Variants in BTAF1 observed in about 807,000 individuals in gnomAD.
BTAF1 encodes the protein B-TFIID TATA-box binding protein associated factor 1, also known as TATA-binding protein-associated factor 172.
In BTAF1, 38 loss-of-function variants were observed where a neutral mutation model predicts 227.1. The ratio of observed to expected loss-of-function variants is 0.17; its 90% confidence interval spans 0.13 to 0.22. The LOEUF (loss-of-function observed/expected upper bound fraction) is 0.22. BTAF1 is among the 10% of genes least tolerant of loss of function. BTAF1 has a pLI of 1.00. For missense variants in BTAF1, 1,598 were observed against 2,204.0 expected, an observed-to-expected ratio of 0.73 and a Z score of 5.51; for synonymous variants, 742 against 751.9, an observed-to-expected ratio of 0.99 and a Z score of 0.21.
chr10:92,017,962 C>G (rs1850856639), intron 33 of BTAF1, among the ~76,000 whole-genome samples: 1 of 152,156 alleles, frequency 6.6e-6, no homozygotes, highest in South Asian at 2.1e-4. Flanking sequence ...GAGAAGAGAC[C>G]ATATAAGGTT....
intron 25 of BTAF1, among the ~76,000 whole-genome samples, chr10:91,998,787 A>T (rs951265059): frequency 2.6e-5 from 4 of 152,194 alleles, no homozygotes; most frequent in African/African-American, 9.6e-5. Flanking sequence ...GAGGTGGCTC[A>T]TGCCTGTAAT....
intron 1 of BTAF1, among the ~76,000 whole-genome samples, chr10:91,933,386 A>G (rs373602225): frequency 6.6e-6 from 1 of 152,188 alleles, no homozygotes; most frequent in South Asian, 2.1e-4. Context: ...TTTGTTCTGG[A>G]TATAATTTAA....
intron 5 of BTAF1, among the ~76,000 whole-genome samples, chr10:91,953,514 A>C (rs189984093): frequency 6.6e-6 from 1 of 152,304 alleles, no homozygotes; most frequent in Non-Finnish European, 1.5e-5. Flanking sequence ...AAAAGTTAAG[A>C]AGCATATGTG....
intron 33 of BTAF1, among the ~76,000 whole-genome samples, chr10:92,016,810 A>G (rs1326380866): frequency 6.6e-6 from 1 of 152,182 alleles, no homozygotes; most frequent in Non-Finnish European, 1.5e-5. Flanking sequence ...ATGATTTTTA[A>G]TGAGGCACTT....
chr10:92,002,874 A>T (rs1202813158), intron 25 of BTAF1, among the ~76,000 whole-genome samples: 3 of 152,160 alleles, frequency 2.0e-5, no homozygotes, highest in East Asian at 3.9e-4. Context: ...AATAAAAAAA[A>T]TGTGGCTGAG....
chr10:91,974,027 C>G, intron 14 of BTAF1, among the ~76,000 whole-genome samples: 1 of 151,726 alleles, frequency 6.6e-6, no homozygotes, highest in Admixed American at 6.6e-5. Flanking sequence ...AATTATGTGT[C>G]TAATTGCTTT....
intron 18 of BTAF1, among the ~76,000 whole-genome samples, chr10:91,983,890 G>GA (rs1382743407): frequency 7.5e-6 from 1 of 133,798 alleles, no homozygotes; most frequent in East Asian, 2.4e-4. Context: ...TTTCTTTTCT[G>GA]ATTTTTTTTT....
chr10:91,984,334 C>G lies in BTAF1; in HGVS notation c.2357C>G (p.Ala786Gly). The G allele has an allele frequency of 6.2e-7, 1 of 1,613,410 alleles. No individual in the cohort carries two copies. The highest frequency in any genetic ancestry group is 8.5e-7 in the Non-Finnish European group (1 of 1,179,612). The part of the protein sequence containing the change: ...NECKQLISSL[A>G]DVHIEVGNRV... The stretch of plus-strand genomic sequence containing the variant: ...TGTAAACAACTTATATCATCATTAG[C>G]TGATGTACATATTGAAGTTGGTAAT... The change falls in exon 19 of 38, where the codon GCT (alanine) becomes GGT (glycine). Residue 786 changes from alanine (A) to glycine (G), a missense_variant. Ala to Gly is a moderately conservative substitution (Grantham distance 60). Around this residue, in one of 10 missense-constraint regions of BTAF1, gnomAD observed 318 missense variants for 435.0 expected, o/e 0.73. Transcript: ENST00000265990.
Position 92,021,735 on chromosome 10 carries a change from A to G in BTAF1, c.4863+2800A>G, listed in dbSNP as rs567989707. On this transcript the variant is annotated intron_variant, in intron 34 of 37. Coordinates refer to ENST00000265990, the MANE Select transcript of BTAF1 (RefSeq NM_003972.3). ...TTTTTTTTGTATTTTTAGTAGAGACAGGGTTTCACCGTGTTAGCCAGGATG... is the reference window on the plus strand; with the variant it reads ...TTTTTTTTGTATTTTTAGTAGAGACGGGGTTTCACCGTGTTAGCCAGGATG... Among the ~76,000 whole-genome samples, 415 of 151,900 alleles carry G rather than the reference A, an allele frequency of 2.7e-3. 2 individuals are homozygous for G. The highest frequency in any genetic ancestry group is 9.7e-3 in the African/African-American group (400 of 41,412).
chr10:91,943,753 C>T (rs778089894), intron 4 of BTAF1, among the ~76,000 whole-genome samples: 15 of 152,064 alleles, frequency 9.9e-5, no homozygotes, highest in Non-Finnish European at 1.9e-4. Flanking sequence ...ACTAACTTTA[C>T]TAGTGTATTC....
chr10:91,936,187 A>G (rs1325195112), intron 2 of BTAF1, among the ~76,000 whole-genome samples: 1 of 152,164 alleles, frequency 6.6e-6, no homozygotes, highest in Non-Finnish European at 1.5e-5. Context: ...TTGAAAATGG[A>G]GGCTTTCTGC....
intron 33 of BTAF1, among the ~76,000 whole-genome samples, chr10:92,017,035 A>G (rs1850789729): frequency 6.6e-6 from 1 of 152,214 alleles, no homozygotes; most frequent in Non-Finnish European, 1.5e-5. Flanking sequence ...AAAATATTAG[A>G]ACACCTACTA....
At chr10:91,981,552 C>T in intron 15 of BTAF1, 91 bp from the exon 16 acceptor site, 1 of 1,327,292 alleles carries the variant, frequency 7.5e-7, no homozygotes, top group Non-Finnish European at 1.0e-6. Context: ...CTATTTCCTA[C>T]TTAAAAAAAC....
intron 5 of BTAF1, among the ~76,000 whole-genome samples, chr10:91,953,524 G>A (rs1052771875): frequency 9.2e-5 from 14 of 152,102 alleles, no homozygotes; most frequent in African/African-American, 3.1e-4. Context: ...AAGCATATGT[G>A]TATCTGTTGG....
Position 91,992,099 on chromosome 10 carries a change from T to C in BTAF1, c.2855-20T>C, listed in dbSNP as rs1297891636. ...CACCAATATTATGATTAAAAGGTTG[T>C]TTAACTTTTTTCTTATTAGGATCCA... On this transcript the variant is annotated intron_variant, in intron 20 of 37. Transcript: ENST00000265990. 2 of 1,537,390 alleles carry C rather than the reference T, an allele frequency of 1.3e-6. No individual in the cohort carries two copies. Among genetic ancestry groups the C allele is most frequent in the African/African-American group, 1.4e-5 (1 of 72,474 alleles).
chr10:92,009,234 A>G (rs781758674), intron 28 of BTAF1, 26 bp downstream of exon 28: 8 of 1,597,270 alleles, frequency 5.0e-6, no homozygotes, highest in Non-Finnish European at 6.8e-6. Context: ...CAATAACAAA[A>G]TATTTCATCT....
chr10:91,948,576 C>A (rs973237613), intron 4 of BTAF1, among the ~76,000 whole-genome samples: 2 of 150,712 alleles, frequency 1.3e-5, no homozygotes, highest in Non-Finnish European at 3.0e-5. Context: ...AGATGGGGGT[C>A]TTGCTATGTT....
At chr10:91,956,061 A>G (rs1846064697) in intron 6 of BTAF1, among the ~76,000 whole-genome samples, 2 of 152,202 alleles carry the variant, frequency 1.3e-5, no homozygotes, top group African/African-American at 4.8e-5. Context: ...CAAATTTTCT[A>G]TATCCTTTTT....
intron 24 of BTAF1, chr10:91,997,083 T>G: frequency 1.6e-6 from 2 of 1,285,366 alleles, no homozygotes; most frequent in Non-Finnish European, 2.0e-6. Flanking sequence ...CTGAAAGATA[T>G]TTCACAGAGC....
Sources: gnomAD v4.1 joint callset for allele counts (sites outside exome capture counted in the v4.1 genomes callset) on GRCh38, gnomAD v4.1.1 for gene constraint, gnomAD v4.1.1 regional missense constraint, MANE v1.5 for transcripts, NCBI Gene and HGNC (gene_info 2026-07-23, HGNC 2026-07-21) for gene names.